VAPB: variants seen among roughly 807,000 people sequenced by gnomAD.
VAPB encodes VAMP associated protein B and C.
In VAPB, 7 loss-of-function variants were observed where a neutral mutation model predicts 25.6. The observed-to-expected ratio is 0.27, with a 90% confidence interval of 0.16 to 0.51. VAPB has a LOEUF of 0.51. VAPB is among the 20% of genes least tolerant of loss of function. The probability of loss-of-function intolerance (pLI) is 0.97; values close to 1 mark genes in which losing one functional copy is unlikely to be tolerated. For synonymous variants in VAPB, 112 were observed against 109.2 expected, an observed-to-expected ratio of 1.03 and a Z score of -0.16; for missense variants, 266 against 301.3, an observed-to-expected ratio of 0.88 and a Z score of 0.87.
intron 2 of VAPB, among the ~76,000 whole-genome samples, chr20:58,427,507 G>C (rs1170592795): frequency 2.0e-5 from 3 of 151,952 alleles, no homozygotes; most frequent in Non-Finnish European, 2.9e-5. Flanking sequence ...TTATGATGCA[G>C]GCAAAAGTGA....
intron 1 of VAPB, among the ~76,000 whole-genome samples, chr20:58,392,255 A>G (rs1987822758): frequency 6.6e-6 from 1 of 152,212 alleles, no homozygotes; most frequent in Admixed American, 6.5e-5. Flanking sequence ...AGTGCATAGT[A>G]CTATACAGAG....
chr20:58,389,952 C>G (rs893172331), intron 1 of VAPB, among the ~76,000 whole-genome samples: 2 of 152,226 alleles, frequency 1.3e-5, no homozygotes, highest in African/African-American at 4.8e-5. Flanking sequence ...CCGTGCACAC[C>G]TGCTGTCATT....
At chr20:58,410,499 C>T (rs1159645382) in intron 1 of VAPB, among the ~76,000 whole-genome samples, 1 of 152,132 alleles carries the variant, frequency 6.6e-6, no homozygotes, top group Admixed American at 6.5e-5. Context: ...TCACTGTAAC[C>T]TTCGCCTCCT....
intron 1 of VAPB, among the ~76,000 whole-genome samples, chr20:58,394,510 C>G (rs753999092): frequency 6.6e-6 from 1 of 152,216 alleles, no homozygotes; most frequent in Non-Finnish European, 1.5e-5. Flanking sequence ...GAAGATTCTT[C>G]GTGGTAGTGG....
intron 2 of VAPB, among the ~76,000 whole-genome samples, chr20:58,423,748 T>G (rs1197021727): frequency 2.0e-5 from 3 of 152,224 alleles, no homozygotes; most frequent in Non-Finnish European, 4.4e-5. Flanking sequence ...TCTTCTTTGT[T>G]TGATTGTTTG....
intron 2 of VAPB, among the ~76,000 whole-genome samples, chr20:58,425,996 G>C (rs1988774485): frequency 6.6e-6 from 1 of 152,206 alleles, no homozygotes; most frequent in African/African-American, 2.4e-5. Flanking sequence ...GGGTTCAAAT[G>C]ATTCTTGTGC....
intron 3 of VAPB, among the ~76,000 whole-genome samples, chr20:58,435,524 C>T (rs554357224): frequency 8.5e-5 from 13 of 152,340 alleles, no homozygotes; most frequent in South Asian, 2.1e-4. Flanking sequence ...GAGTCATCCA[C>T]GGCAGGTCTG....
At chr20:58,394,598 T>A (rs1002171402) in intron 1 of VAPB, among the ~76,000 whole-genome samples, 1 of 152,268 alleles carries the variant, frequency 6.6e-6, no homozygotes, top group Non-Finnish European at 1.5e-5. Context: ...GCATTAAACT[T>A]ACTAAACTTG....
At chr20:58,431,668 C>T (rs907007429) in intron 2 of VAPB, among the ~76,000 whole-genome samples, 1 of 151,968 alleles carries the variant, frequency 6.6e-6, no homozygotes, top group African/African-American at 2.4e-5. Context: ...TCTCCCAGGC[C>T]TAAGCAGTCC....
chr20:58,409,375 C>G (rs897278865), intron 1 of VAPB, among the ~76,000 whole-genome samples: 7 of 152,138 alleles, frequency 4.6e-5, no homozygotes, highest in African/African-American at 1.7e-4. Flanking sequence ...AGATATCCAA[C>G]AGATTTTGCT....
rs1252582644 is a variant in VAPB, at chr20:58,447,373, C to G, written c.*3138C>G. On this transcript the variant is annotated 3_prime_UTR_variant, in exon 6 of 6. Coordinates refer to ENST00000475243, the MANE Select transcript of VAPB (RefSeq NM_004738.5). ...TCTCTCGTCTTCTGAACTGCTGGCA[C>G]CAGCAGTAATACATACTGATAAAAT... 2.2e-6 allele frequency: 1 copy of G among 454,078 alleles called. No homozygotes were observed. The highest frequency in any genetic ancestry group is 6.9e-5 in the East Asian group (1 of 14,402). The allele number at this position is 454,078 out of a possible 1,614,324, so 28.1% of individuals were successfully genotyped here. A position where few individuals can be genotyped will look rare whatever the true frequency, so the allele number is the denominator to read the frequency against.
chr20:58,423,414 C>CAAAAAAAAAAAAAAAAAAAAAAA lies in VAPB; in HGVS notation c.211+5064_211+5086dup, dbSNP rs59133081. Among the ~76,000 whole-genome samples, 12 of 34,762 alleles carry CAAAAAAAAAAAAAAAAAAAAAAA rather than the reference C, an allele frequency of 3.5e-4. 5 individuals carry two copies. Among genetic ancestry groups the CAAAAAAAAAAAAAAAAAAAAAAA allele is most frequent in the Non-Finnish European group, 5.0e-4 (10 of 20,134 alleles). The allele number at this position is 34,762 out of a possible 152,430, so 22.8% of individuals were successfully genotyped here. The stretch of plus-strand genomic sequence containing the variant: ...GCAACAAGAGAGAAACTCCATCTCA[C>CAAAAAAAAAAAAAAAAAAAAAAA]AAAAAAAAAAAAAAAAAAAAAAAAA... On this transcript the variant is annotated intron_variant, in intron 2 of 5. Coordinates refer to ENST00000475243, the MANE Select transcript of VAPB (RefSeq NM_004738.5).
chr20:58,423,920 A>T (rs1006928786), intron 2 of VAPB, among the ~76,000 whole-genome samples: 21 of 152,356 alleles, frequency 1.4e-4, no homozygotes, highest in African/African-American at 5.1e-4. Flanking sequence ...GAAAAAAGAA[A>T]ATTACCAACA....
In VAPB at chr20:58,449,775, G is replaced by T; in HGVS notation, c.*5540G>T. On this transcript the variant is annotated 3_prime_UTR_variant, in exon 6 of 6. Transcript: ENST00000475243. ...TGGAGATGTAATCACTTGGCTAATG[G>T]ATGTGGGTGCAGGACAGATGCTCGC... 3 of 454,114 alleles carry T rather than the reference G, an allele frequency of 6.6e-6. No homozygotes were observed. The highest frequency in any genetic ancestry group is 1.3e-5 in the Non-Finnish European group (3 of 226,788). The allele number at this position is 454,114 out of a possible 1,614,324, so 28.1% of individuals were successfully genotyped here. A position where few individuals can be genotyped will look rare whatever the true frequency, so the allele number is the denominator to read the frequency against.
At chr20:58,402,771 G>T (rs900823059) in intron 1 of VAPB, among the ~76,000 whole-genome samples, 6 of 152,096 alleles carry the variant, frequency 3.9e-5, no homozygotes, top group African/African-American at 1.4e-4. Context: ...TTGGGACTCC[G>T]AGGCAAGCGA....
intron 1 of VAPB, among the ~76,000 whole-genome samples, chr20:58,398,975 G>A (rs1413806125): frequency 2.0e-5 from 3 of 151,986 alleles, no homozygotes; most frequent in East Asian, 3.9e-4. Flanking sequence ...TGAGACTAGA[G>A]AAAGAGGCTT....
chr20:58,434,821 G>GT (rs900349740), intron 3 of VAPB, 116 bp downstream of exon 3: 27 of 648,454 alleles, frequency 4.2e-5, no homozygotes, highest in Middle Eastern at 8.2e-4. Flanking sequence ...AAAGGGAATA[G>GT]TTTTTTTTCA....
At position 58,450,766 on chromosome 20, in the gene VAPB, C is replaced by T. The variant is rs1397222314; in HGVS notation, c.*6531C>T. 1 of 453,818 alleles carries T rather than the reference C, an allele frequency of 2.2e-6. No homozygotes were observed. Among genetic ancestry groups the T allele is most frequent in the African/African-American group, 2.0e-5 (1 of 49,926 alleles). 28.1% of individuals were successfully genotyped at this position (453,818 alleles called of 1,614,324 possible). A position where few individuals can be genotyped will look rare whatever the true frequency, so the allele number is the denominator to read the frequency against. Reference sequence around the variant, plus strand: ...GTATCTTAAGAGATGTCTTAGAATGCTTTAGTTTTCATAATTTGTCCTTTA... The same window carrying T: ...GTATCTTAAGAGATGTCTTAGAATGTTTTAGTTTTCATAATTTGTCCTTTA... On this transcript the variant is annotated 3_prime_UTR_variant, in exon 6 of 6. Transcript: ENST00000475243.
intron 3 of VAPB, among the ~76,000 whole-genome samples, chr20:58,435,496 C>G (rs905976431): frequency 6.6e-6 from 1 of 152,144 alleles, no homozygotes; most frequent in African/African-American, 2.4e-5. Flanking sequence ...AGTTTTGGCC[C>G]GCCCAAAGGG....
Sources: allele counts gnomAD v4.1 joint callset (sites outside exome capture counted in the v4.1 genomes callset), GRCh38; gene constraint gnomAD v4.1.1; transcripts MANE v1.5; gene names NCBI Gene and HGNC (gene_info 2026-07-23, HGNC 2026-07-21).